SPAG16: variants seen among roughly 807,000 people sequenced by gnomAD.
SPAG16 encodes sperm associated antigen 16, also known as sperm-associated antigen 16 protein.
SPAG16 carries 86 observed loss-of-function variants against 80.4 expected under a neutral mutation model. That is an observed-to-expected ratio of 1.07 (90% confidence interval 0.90 to 1.28). SPAG16 has a LOEUF of 1.28. Ranked by LOEUF, SPAG16 falls within the 50% of genes most tolerant of loss-of-function variation. The probability of loss-of-function intolerance (pLI) is 0.00; values close to 1 mark genes in which losing one functional copy is unlikely to be tolerated. For missense variants in SPAG16, 870 were observed against 765.3 expected (o/e 1.14, Z -1.61); for synonymous variants, 294 against 265.9 (o/e 1.11, Z -1.03).
At chr2:214,250,088 A>C (rs1052395928) in intron 15 of SPAG16, 1 of 152,168 alleles carries the variant, frequency 6.6e-6, no homozygotes, top group Non-Finnish European at 1.5e-5. Flanking sequence ...TTATTTCTTA[A>C]GTGCCTCAGA....
At position 214,388,093 on chromosome 2, in the gene SPAG16, T is replaced by G. The variant is rs373856804; in HGVS notation, c.1721-22047T>G. On this transcript the variant is annotated intron_variant, in intron 15 of 15. Coordinates refer to ENST00000331683, the MANE Select transcript of SPAG16 (RefSeq NM_024532.5). ...AATGTATTTGATACATTTTTCCTGT[T>G]GGAGAGATTCACATTTTTGGAAATG... is the stretch of plus-strand genomic sequence containing the variant. Among the ~76,000 whole-genome samples the G allele has an allele frequency of 3.3e-5, 5 of 152,222 alleles. No homozygotes were observed. The East Asian group carries it at 9.6e-4, about 29-fold the overall frequency.
chr2:213,309,743 C>G (rs1186756350), intron 3 of SPAG16, among the ~76,000 whole-genome samples: 1 of 152,014 alleles, frequency 6.6e-6, no homozygotes, highest in Non-Finnish European at 1.5e-5. Flanking sequence ...TTGTCCTACA[C>G]TTGGTTCTAT....
intron 15 of SPAG16, among the ~76,000 whole-genome samples, chr2:214,260,775 T>C (rs1241124738): frequency 6.6e-6 from 1 of 152,064 alleles, no homozygotes; most frequent in African/African-American, 2.4e-5. Flanking sequence ...TAGCCCTTTC[T>C]CTTTTGCCTC....
At chr2:213,593,485 G>T (rs2060777882) in intron 10 of SPAG16, among the ~76,000 whole-genome samples, 1 of 151,960 alleles carries the variant, frequency 6.6e-6, no homozygotes, top group Non-Finnish European at 1.5e-5. Flanking sequence ...CTTTTTAGGT[G>T]CTTTCATTTG....
At chr2:213,295,496 T>G (rs1239597785) in intron 1 of SPAG16, among the ~76,000 whole-genome samples, 3 of 152,106 alleles carry the variant, frequency 2.0e-5, no homozygotes, top group Non-Finnish European at 4.4e-5. Context: ...ATAAAGATAA[T>G]TTAAAAATGG....
chr2:214,203,053 TA>T (rs1446692987), intron 15 of SPAG16, among the ~76,000 whole-genome samples: 2 of 152,200 alleles, frequency 1.3e-5, no homozygotes, highest in African/African-American at 4.8e-5. Flanking sequence ...TCTGGAAACC[TA>T]AATTATTCTC....
At chr2:214,042,071 TTTTC>T (rs1486371146) in intron 13 of SPAG16, among the ~76,000 whole-genome samples, 5 of 145,128 alleles carry the variant, frequency 3.4e-5, no homozygotes, top group Non-Finnish European at 6.0e-5. Flanking sequence ...CAGCTGGAAG[TTTTC>T]TTTTTCTTTT....
chr2:214,092,777 C>T (rs1029316963), intron 13 of SPAG16, among the ~76,000 whole-genome samples: 5 of 152,016 alleles, frequency 3.3e-5, no homozygotes, highest in African/African-American at 4.8e-5. Flanking sequence ...CAGTAGGGTC[C>T]GTGTTGAGCT....
intron 8 of SPAG16, among the ~76,000 whole-genome samples, chr2:213,372,993 A>T (rs1213681505): frequency 6.6e-6 from 1 of 152,184 alleles, no homozygotes; most frequent in East Asian, 1.9e-4. Context: ...AATTTCTATA[A>T]ATGAAAGTGT....
intron 15 of SPAG16, among the ~76,000 whole-genome samples, chr2:214,255,126 T>C (rs1338445412): frequency 6.6e-6 from 1 of 152,202 alleles, no homozygotes; most frequent in African/African-American, 2.4e-5. Context: ...ATTTTCACTA[T>C]ATCAAAGTTA....
At chr2:213,847,391 C>A (rs760650860) in intron 10 of SPAG16, among the ~76,000 whole-genome samples, 11 of 152,098 alleles carry the variant, frequency 7.2e-5, no homozygotes, top group Middle Eastern at 3.2e-3. Context: ...GCTGAAACCT[C>A]AGGGAGCTTT....
intron 15 of SPAG16, among the ~76,000 whole-genome samples, chr2:214,338,121 A>G (rs1697423972): frequency 6.6e-6 from 1 of 152,228 alleles, no homozygotes; most frequent in Non-Finnish European, 1.5e-5. Flanking sequence ...AGTTTAGCAT[A>G]TCCACTACAA....
At chr2:213,901,565 A>G (rs1056965512) in intron 11 of SPAG16, among the ~76,000 whole-genome samples, 1 of 152,162 alleles carries the variant, frequency 6.6e-6, no homozygotes, top group Non-Finnish European at 1.5e-5. Flanking sequence ...GGAGGAAAAA[A>G]TGATCTCTGA....
chr2:214,155,210 C>T lies in SPAG16; in HGVS notation c.1720+5944C>T, dbSNP rs182929607. Among the ~76,000 whole-genome samples, 21 of 152,210 alleles carry T rather than the reference C, an allele frequency of 1.4e-4. No homozygotes were observed. The East Asian group carries it at 3.7e-3, about 27-fold the overall frequency. ...TGGCTAAGAGTGAATACATGAAAGCCTGAGGCCAGAAAAAAATCTATCTTA... is the reference window on the plus strand; with the variant it reads ...TGGCTAAGAGTGAATACATGAAAGCTTGAGGCCAGAAAAAAATCTATCTTA... On this transcript the variant is annotated intron_variant, in intron 15 of 15. Coordinates refer to ENST00000331683, the MANE Select transcript of SPAG16 (RefSeq NM_024532.5).
intron 15 of SPAG16, among the ~76,000 whole-genome samples, chr2:214,172,549 C>A (rs1346465453): frequency 6.6e-6 from 1 of 151,968 alleles, no homozygotes; most frequent in Non-Finnish European, 1.5e-5. Flanking sequence ...TGAATAGTGC[C>A]GCAATAAACA....
intron 14 of SPAG16, among the ~76,000 whole-genome samples, chr2:214,125,842 A>G (rs926061414): frequency 6.6e-6 from 1 of 151,550 alleles, no homozygotes; most frequent in Middle Eastern, 3.2e-3. Context: ...CAGGAATGAA[A>G]ACTTAAAAGA....
chr2:213,304,012 G>A (rs977838993), intron 3 of SPAG16, among the ~76,000 whole-genome samples: 1 of 152,028 alleles, frequency 6.6e-6, no homozygotes, highest in African/African-American at 2.4e-5. Flanking sequence ...TGGTGTACGA[G>A]GGTTACTTTT....
At chr2:214,191,094 G>T (rs1441578597) in intron 15 of SPAG16, among the ~76,000 whole-genome samples, 1 of 152,050 alleles carries the variant, frequency 6.6e-6, no homozygotes, top group Non-Finnish European at 1.5e-5. Flanking sequence ...TTCTTCTTCT[G>T]AATTCTAGAT....
In SPAG16 at chr2:214,242,827, A is replaced by G. The variant is rs540119663; in HGVS notation, c.1720+93561A>G. ...TGACATTTTTCAGGACATATGTAGC[A>G]TCTTCTAATCAGATGCTAAATGTGA... is the stretch of plus-strand genomic sequence containing the variant. On this transcript the variant is annotated intron_variant, in intron 15 of 15. Coordinates refer to ENST00000331683, the MANE Select transcript of SPAG16 (RefSeq NM_024532.5). Among the ~76,000 whole-genome samples, 4 of 152,232 alleles carry G rather than the reference A, an allele frequency of 2.6e-5. No homozygotes were observed. The South Asian group carries it at 6.2e-4, about 24-fold the overall frequency.
Sources: gnomAD v4.1 joint callset for allele counts (sites outside exome capture counted in the v4.1 genomes callset) on GRCh38, gnomAD v4.1.1 for gene constraint, MANE v1.5 for transcripts, NCBI Gene and HGNC (gene_info 2026-07-23, HGNC 2026-07-21) for gene names.